ST7: variants seen among roughly 807,000 people sequenced by gnomAD.
ST7 encodes suppression of tumorigenicity 7.
Under a neutral mutation model 78.7 loss-of-function variants are expected in ST7, and 28 were observed. That is an observed-to-expected ratio of 0.36 (90% CI 0.26 to 0.49). The LOEUF is 0.49. Among genes scored for constraint, ST7 ranks in the 20% least tolerant of loss-of-function variants. ST7 has a pLI of 0.99. For missense variants in ST7, 418 were observed against 696.0 expected (o/e 0.60, Z 4.49); for synonymous variants, 247 against 249.6 (o/e 0.99, Z 0.10).
At chr7:117,002,516 G>A (rs1165983634) in intron 1 of ST7, among the ~76,000 whole-genome samples, 1 of 151,972 alleles carries the variant, frequency 6.6e-6, no homozygotes, top group African/African-American at 2.4e-5. Flanking sequence ...CACAGCATTT[G>A]TTGTGTTTAA....
chr7:117,058,574 A>G lies in ST7; in HGVS notation c.152-41188A>G, dbSNP rs573401963. On this transcript the variant is annotated intron_variant, in intron 1 of 15. Transcript: ENST00000323984. ...TTCTTAAGAGGAAGCCAATTATCAA[A>G]AAGGGAAATATTTAAGAATTATAAA... Among the ~76,000 whole-genome samples, 37 of 152,330 alleles carry G rather than the reference A, an allele frequency of 2.4e-4. 1 individual carries two copies. Among genetic ancestry groups the G allele is most frequent in the African/African-American group, 8.9e-4 (37 of 41,576 alleles).
At chr7:117,179,593 G>A (rs1808592332) in intron 10 of ST7, among the ~76,000 whole-genome samples, 1 of 152,134 alleles carries the variant, frequency 6.6e-6, no homozygotes, top group Non-Finnish European at 1.5e-5. Flanking sequence ...ATGTGCAGAG[G>A]CACAATTGGC....
At chr7:117,191,308 T>TA (rs750152233) in intron 12 of ST7, among the ~76,000 whole-genome samples, 2,398 of 149,422 alleles carry the variant, frequency 0.016, 36 homozygotes, top group Admixed American at 0.027. Context: ...ATAAAACTGG[T>TA]AAAAAAAAAA....
chr7:117,135,982 T>C (rs1264051657), intron 7 of ST7, 99 bp from the exon 8 acceptor site: 7 of 1,320,368 alleles, frequency 5.3e-6, no homozygotes, highest in Non-Finnish European at 6.3e-6. Context: ...CCACTCTGCA[T>C]GTTTTGGCGT....
At chr7:117,117,522 A>C (rs983602931) in intron 2 of ST7, among the ~76,000 whole-genome samples, 4 of 152,170 alleles carry the variant, frequency 2.6e-5, no homozygotes, top group Admixed American at 2.6e-4. Context: ...TCTTCTAATA[A>C]ATGCAAAGCC....
intron 13 of ST7, among the ~76,000 whole-genome samples, chr7:117,213,889 A>G (rs1471068681): frequency 6.6e-6 from 1 of 152,234 alleles, no homozygotes; most frequent in Non-Finnish European, 1.5e-5. Context: ...CCTCACATAC[A>G]TGCACCACTG....
intron 1 of ST7, among the ~76,000 whole-genome samples, chr7:117,053,376 C>T (rs766148046): frequency 2.0e-5 from 3 of 152,218 alleles, no homozygotes; most frequent in Admixed American, 6.5e-5. Flanking sequence ...GAGTTAAACA[C>T]GGACTACTCT....
rs549567643 is a variant in ST7 at position 116,979,093 on chromosome 7, A to G, written c.151+25402A>G. ...GCCATGTGGAAAGGCTGTGGCCTTCAGTGGAGAGACATAGCCAATCTGTGC... is the reference window on the plus strand; with the variant it reads ...GCCATGTGGAAAGGCTGTGGCCTTCGGTGGAGAGACATAGCCAATCTGTGC... On this transcript the variant is annotated intron_variant, in intron 1 of 15. Transcript: ENST00000323984. Among the ~76,000 whole-genome samples the G allele has an allele frequency of 2.2e-4, 33 of 152,322 alleles. 1 individual carries two copies. Among genetic ancestry groups the G allele is most frequent in the Admixed American group, 7.2e-4 (11 of 15,302 alleles).
At chr7:117,194,699 G>T (rs909653328) in intron 12 of ST7, among the ~76,000 whole-genome samples, 6 of 152,198 alleles carry the variant, frequency 3.9e-5, no homozygotes, top group African/African-American at 1.2e-4. Context: ...CCTCACCACG[G>T]TTCTATACCT....
At chr7:117,056,416 T>C in intron 1 of ST7, among the ~76,000 whole-genome samples, 1 of 152,098 alleles carries the variant, frequency 6.6e-6, no homozygotes, top group Admixed American at 6.5e-5. Context: ...GCTGATCACC[T>C]GAGGTTGGGA....
At chr7:117,212,089 G>C (rs951412068) in intron 13 of ST7, among the ~76,000 whole-genome samples, 16 of 152,194 alleles carry the variant, frequency 1.1e-4, no homozygotes, top group Non-Finnish European at 1.2e-4. Flanking sequence ...TTTTCACAGA[G>C]AGCCATAACA....
chr7:117,105,974 TTTTTTG>T (rs547032449), intron 2 of ST7, among the ~76,000 whole-genome samples: 508 of 150,956 alleles, frequency 3.4e-3, no homozygotes, highest in Non-Finnish European at 4.9e-3. Context: ...AAAGGAAATG[TTTTTTG>T]TTTTTGTTTT....
intron 1 of ST7, chr7:116,954,931 T>A (rs1406919592): frequency 3.5e-6 from 1 of 288,070 alleles, no homozygotes; most frequent in African/African-American, 2.2e-5. Flanking sequence ...AGTATTTTGA[T>A]TACTAACTTG....
intron 1 of ST7, among the ~76,000 whole-genome samples, chr7:116,991,994 C>T (rs779599783): frequency 1.2e-4 from 18 of 152,314 alleles, no homozygotes; most frequent in Admixed American, 2.6e-4. Flanking sequence ...CTCCAGGTCT[C>T]ACATCCCGGT....
chr7:117,053,175 A>G (rs1326417164), intron 1 of ST7, among the ~76,000 whole-genome samples: 2 of 152,208 alleles, frequency 1.3e-5, no homozygotes, highest in Admixed American at 1.3e-4. Flanking sequence ...TACAGAGCAC[A>G]TTGTTTTAAC....
intron 9 of ST7, among the ~76,000 whole-genome samples, chr7:117,154,154 G>C (rs1317154322): frequency 6.6e-6 from 1 of 152,146 alleles, no homozygotes; most frequent in Non-Finnish European, 1.5e-5. Flanking sequence ...TGCCGTTTGG[G>C]AGCTAATTAG....
Position 116,956,627 on chromosome 7 carries a change from A to C in ST7, c.151+2936A>C, listed in dbSNP as rs866032035. On this transcript the variant is annotated intron_variant, in intron 1 of 15. Transcript: ENST00000323984. ...ACCTGTAGGGGGATGGAATCTGCTA[A>C]AAGTGTTCTGGAGTCATTCTTGGAT... The C allele has an allele frequency of 1.5e-5, 7 of 471,222 alleles. No individual in the cohort carries two copies. In the Middle Eastern group the frequency reaches 9.7e-4, roughly 66 times the overall value. 29.2% of individuals were successfully genotyped at this position (471,222 alleles called of 1,614,324 possible).
At chr7:117,056,022 G>A (rs1043394960) in intron 1 of ST7, among the ~76,000 whole-genome samples, 3 of 152,134 alleles carry the variant, frequency 2.0e-5, no homozygotes, top group Non-Finnish European at 2.9e-5. Flanking sequence ...GCTGGGAGTC[G>A]AGGCCAGTCT....
chr7:117,049,731 C>T (rs769959106), intron 1 of ST7, among the ~76,000 whole-genome samples: 11 of 152,274 alleles, frequency 7.2e-5, no homozygotes, highest in Middle Eastern at 3.4e-3. Context: ...TCATGTATCT[C>T]GAAGTGGTGG....
Sources: allele counts gnomAD v4.1 joint callset (sites outside exome capture counted in the v4.1 genomes callset), GRCh38; gene constraint gnomAD v4.1.1; transcripts MANE v1.5; gene names NCBI Gene and HGNC (gene_info 2026-07-23, HGNC 2026-07-21).